Variants in GALNT3 observed in about 807,000 individuals in gnomAD.
The protein encoded by GALNT3 is GalNAc transferase 3.
Under a neutral mutation model 69.8 loss-of-function variants are expected in GALNT3, and 51 were observed. The ratio of observed to expected loss-of-function variants is 0.73; its 90% CI spans 0.58 to 0.92. GALNT3 has a LOEUF of 0.92. Ranked by LOEUF, GALNT3 falls within the 40% of genes least tolerant of loss-of-function variation. The pLI, the probability that GALNT3 is intolerant of heterozygous loss-of-function variation, is 0.00. For missense variants in GALNT3, 711 were observed against 760.0 expected, an observed-to-expected ratio of 0.94 and a Z score of 0.76; for synonymous variants, 265 against 248.5, an observed-to-expected ratio of 1.07 and a Z score of -0.63.
At chr2:165,753,515 T>G (rs1403445100) in intron 9 of GALNT3, among the ~76,000 whole-genome samples, 1 of 152,158 alleles carries the variant, frequency 6.6e-6, no homozygotes, top group African/African-American at 2.4e-5. Context: ...TGCTTTATCC[T>G]AAGGAACTGC....
chr2:165,749,727 A>C lies in GALNT3; in HGVS notation c.1779+15T>G, dbSNP rs774689220. 6.2e-7 allele frequency: 1 copy of C among 1,611,384 alleles called. No homozygotes were observed. Among genetic ancestry groups the C allele is most frequent in the Non-Finnish European group, 8.5e-7 (1 of 1,177,628 alleles). On this transcript the variant is annotated intron_variant, in intron 10 of 10. Transcript: ENST00000392701. ...GAAAAATAGTTAAATAGATGAATTA[A>C]TTGCACTGAGGTACCTTCTGGATCT...
intron 1 of GALNT3, among the ~76,000 whole-genome samples, chr2:165,792,885 T>A (rs1332833097): frequency 6.6e-6 from 1 of 152,170 alleles, no homozygotes; most frequent in Non-Finnish European, 1.5e-5. Flanking sequence ...CAACAGATTT[T>A]CCCACAAGCA....
At chr2:165,750,829 CTAT>C (rs1688345994) in intron 9 of GALNT3, among the ~76,000 whole-genome samples, 1 of 152,152 alleles carries the variant, frequency 6.6e-6, no homozygotes, top group South Asian at 2.1e-4. Context: ...ACATATGTAT[CTAT>C]AACTCTAAGA....
chr2:165,784,913 T>C (rs1437130239), intron 1 of GALNT3, among the ~76,000 whole-genome samples: 1 of 152,210 alleles, frequency 6.6e-6, no homozygotes, highest in African/African-American at 2.4e-5. Flanking sequence ...ATAATTTCTA[T>C]GAGAAACCCT....
intron 6 of GALNT3, among the ~76,000 whole-genome samples, chr2:165,758,101 C>A (rs1488127824): frequency 6.6e-6 from 1 of 152,138 alleles, no homozygotes; most frequent in Non-Finnish European, 1.5e-5. Flanking sequence ...ATAAACAAGA[C>A]CCCGCCATAA....
Position 165,791,384 on chromosome 2 carries a change from G to C in GALNT3, c.-109+2631C>G, listed in dbSNP as rs187153825. Reference sequence around the variant, plus strand: ...TGCTATTTTCACATTGAGGGCTCCAGCACTTTCGTGGTCATAAAGCAGTCT... The same window carrying C: ...TGCTATTTTCACATTGAGGGCTCCACCACTTTCGTGGTCATAAAGCAGTCT... On this transcript the variant is annotated intron_variant, in intron 1 of 10. Transcript: ENST00000392701. Among the ~76,000 whole-genome samples, 126 of 152,148 alleles carry C rather than the reference G, an allele frequency of 8.3e-4. 3 individuals are homozygous for C. In the East Asian group the frequency reaches 0.023, roughly 28 times the overall value.
Position 165,770,246 on chromosome 2 carries a change from G to T in GALNT3, c.455C>A (p.Ala152Asp), listed in dbSNP as rs1442947447. The part of the protein sequence containing the change: ...ERGEAKHCFN[A>D]FASDRISLHR... ...CAAAGAAATCCTGTCACTTGCGAAA[G>T]CATTAAAGCAGTGTTTAGCTTCCCC... The change falls in exon 2 of 11, where the codon GCT (alanine) becomes GAT (aspartate). Residue 152 changes from alanine (A) to aspartate (D), a missense_variant. By Grantham distance (126) the Ala-to-Asp change is moderately radical. Coordinates refer to ENST00000392701, the MANE Select transcript of GALNT3 (RefSeq NM_004482.4). 1 of 1,614,004 alleles carries T rather than the reference G, an allele frequency of 6.2e-7. No homozygotes were observed. Among genetic ancestry groups the T allele is most frequent in the African/African-American group, 1.3e-5 (1 of 74,886 alleles).
At chr2:165,762,665 G>A (rs568363389) in intron 3 of GALNT3, among the ~76,000 whole-genome samples, 7 of 152,284 alleles carry the variant, frequency 4.6e-5, no homozygotes, top group African/African-American at 1.7e-4. Flanking sequence ...ATATGAAACA[G>A]GCAAATTTTA....
chr2:165,763,948 A>C (rs183993064), intron 3 of GALNT3, among the ~76,000 whole-genome samples: 22 of 152,304 alleles, frequency 1.4e-4, no homozygotes, highest in Admixed American at 1.2e-3. Context: ...ACTCACCATC[A>C]CAAGACATTG....
intron 9 of GALNT3, among the ~76,000 whole-genome samples, chr2:165,750,920 C>T (rs570339232): frequency 1.2e-4 from 18 of 152,226 alleles, no homozygotes; most frequent in African/African-American, 4.3e-4. Context: ...TTTAATCCTT[C>T]AAGAGCCAAC....
At chr2:165,778,683 T>C (rs1428300320) in intron 1 of GALNT3, among the ~76,000 whole-genome samples, 3 of 152,182 alleles carry the variant, frequency 2.0e-5, no homozygotes, top group Admixed American at 2.0e-4. Flanking sequence ...ACTTCATTCA[T>C]GGGACTTACC....
rs536030277 is a variant in GALNT3 at position 165,752,082 on chromosome 2, A to G, written c.1627-2188T>C. Among the ~76,000 whole-genome samples, 14 of 152,292 alleles carry G rather than the reference A, an allele frequency of 9.2e-5. No individual in the cohort carries two copies. The East Asian group carries it at 2.7e-3, about 29-fold the overall frequency. ...TAAGTCCAAGTTTCTTAATGGGGCC[A>G]GTTAAGCCCTACATGATCAGGTCCC... On this transcript the variant is annotated intron_variant, in intron 9 of 10. Coordinates refer to ENST00000392701, the MANE Select transcript of GALNT3 (RefSeq NM_004482.4).
chr2:165,768,012 TA>T (rs1338065633), intron 2 of GALNT3, among the ~76,000 whole-genome samples: 1 of 151,738 alleles, frequency 6.6e-6, no homozygotes, highest in African/African-American at 2.4e-5. Flanking sequence ...TAGCTGGGAC[TA>T]CAGGCGCACA....
intron 3 of GALNT3, 140 bp downstream of exon 3, chr2:165,764,744 A>G (rs1236383392): frequency 1.2e-6 from 1 of 837,714 alleles, no homozygotes; most frequent in African/African-American, 1.7e-5. Flanking sequence ...TTGGATTCTA[A>G]TTTCATTCAC....
intron 7 of GALNT3, 68 bp from the exon 8 acceptor site, chr2:165,755,131 C>A: frequency 7.4e-7 from 1 of 1,357,228 alleles, no homozygotes; most frequent in South Asian, 1.2e-5. Context: ...TTAAAATACT[C>A]TTATTTGTAT....
intron 5 of GALNT3, 40 bp downstream of exon 5, chr2:165,759,296 A>G (rs1227187799): frequency 4.1e-6 from 6 of 1,470,516 alleles, no homozygotes; most frequent in Non-Finnish European, 9.5e-7. Flanking sequence ...AATGTATGGT[A>G]TAGGGTGTAA....
chr2:165,763,730 A>G (rs553931840), intron 3 of GALNT3, among the ~76,000 whole-genome samples: 2 of 152,292 alleles, frequency 1.3e-5, no homozygotes, highest in South Asian at 4.1e-4. Context: ...TTACTTACCC[A>G]CAACATATGA....
chr2:165,760,862 T>C (rs1042748560), intron 4 of GALNT3, among the ~76,000 whole-genome samples: 4 of 152,142 alleles, frequency 2.6e-5, no homozygotes, highest in African/African-American at 9.7e-5. Context: ...CTAGCATGCA[T>C]ATGACACATT....
intron 6 of GALNT3, among the ~76,000 whole-genome samples, chr2:165,758,160 A>G (rs1302226585): frequency 6.6e-6 from 1 of 152,198 alleles, no homozygotes; most frequent in Non-Finnish European, 1.5e-5. Flanking sequence ...TGATGGAGCC[A>G]GAGCCAAAAC....
Sources: gnomAD v4.1 joint callset for allele counts (sites outside exome capture counted in the v4.1 genomes callset) on GRCh38, gnomAD v4.1.1 for gene constraint, MANE v1.5 for transcripts, NCBI Gene and HGNC (gene_info 2026-07-23, HGNC 2026-07-21) for gene names.